NONO: variants seen among roughly 807,000 people sequenced by gnomAD.
The protein encoded by NONO is non-POU domain containing octamer binding.
A neutral mutation model predicts 40.2 loss-of-function variants in NONO; 6 were observed. That is an observed-to-expected ratio of 0.15 (90% CI 0.08 to 0.29). NONO has a LOEUF of 0.29. Ranked by LOEUF, NONO falls within the 10% of genes least tolerant of loss-of-function variation. NONO has a pLI of 1.00. For synonymous variants in NONO, 89 were observed against 123.3 expected (o/e 0.72, Z 1.85); for missense variants, 133 against 397.8 (o/e 0.33, Z 5.66).
At chrX:71,299,184 T>C (rs1353875716) in intron 11 of NONO, among the ~76,000 whole-genome samples, 1 of 111,860 alleles carries the variant, frequency 8.9e-6, no homozygotes, top group East Asian at 2.8e-4. Context: ...GGCCTCCCAA[T>C]TTTGTATTTT....
chrX:71,295,200 G>A (rs1414197063), intron 5 of NONO, among the ~76,000 whole-genome samples: 15 of 79,612 alleles, frequency 1.9e-4, no homozygotes, highest in Middle Eastern at 0.014. Context: ...CCAGCCTGGC[G>A]ATAGAGCAAG....
At chrX:71,293,268 C>T (rs1476269343) in intron 4 of NONO, among the ~76,000 whole-genome samples, 1 of 111,577 alleles carries the variant, frequency 9.0e-6, no homozygotes, top group Non-Finnish European at 1.9e-5. Flanking sequence ...GGAGGATATT[C>T]GTGATTCTGG....
chrX:71,294,497 A>G lies in NONO; in HGVS notation c.619A>G (p.Arg207Gly). The G allele has an allele frequency of 8.3e-7, 1 of 1,210,380 alleles. No individual in the cohort carries two copies. The highest frequency in any genetic ancestry group is 1.1e-6 in the Non-Finnish European group (1 of 894,536). Residue 207 changes from arginine (R) to glycine (G), a missense_variant, in exon 5 of 12, where the codon AGA (arginine) becomes GGA (glycine). Physicochemically the swap from Arg to Gly is moderately radical, Grantham distance 125. Around this residue, in one of 3 missense-constraint regions of NONO, gnomAD observed 32 missense variants for 206.0 expected, o/e 0.16. Coordinates refer to ENST00000276079, the MANE Select transcript of NONO (RefSeq NM_007363.5). ...GCCAGCTGCTCGGAAAGCTCTGGAC[A>G]GATGCAGTGAAGGCTCCTTCCTGCT... ...GKPAARKALD[R>G]CSEGSFLLTT...
At chrX:71,295,716 G>C (rs1275507228) in intron 5 of NONO, among the ~76,000 whole-genome samples, 3 of 110,183 alleles carry the variant, frequency 2.7e-5, no homozygotes, top group Admixed American at 1.9e-4. Flanking sequence ...ACTTGAACCC[G>C]GGAGGCAGAG....
rs200412300 is a variant in NONO, at chrX:71,294,535, G to A, written c.650+7G>A. ...GCTCCTTCCTGCTAACCACGTAAGT[G>A]AGGGTCATTTTCAGACGTAGACCTT... On this transcript the variant is annotated splice_region_variant and intron_variant, in intron 5 of 11. Transcript: ENST00000276079. The A allele has an allele frequency of 8.2e-4, 984 of 1,195,815 alleles. 12 individuals are homozygous for A. The highest frequency in any genetic ancestry group is 2.3e-4 in the Middle Eastern group (1 of 4,337).
chrX:71,295,773 A>G (rs185588570), intron 5 of NONO, among the ~76,000 whole-genome samples: 3 of 112,120 alleles, frequency 2.7e-5, no homozygotes, highest in African/African-American at 9.7e-5. Context: ...CCTGGGCGAC[A>G]GAGGAAGACT....
Position 71,300,856 on chromosome X carries a change from T to C in NONO, c.*780T>C, listed in dbSNP as rs1207129704. 1 of 157,168 alleles carries C rather than the reference T, an allele frequency of 6.4e-6. No individual in the cohort carries two copies. Among genetic ancestry groups the C allele is most frequent in the African/African-American group, 3.1e-5 (1 of 32,625 alleles). The allele number at this position is 157,168 out of a possible 1,213,427, so 13.0% of individuals were successfully genotyped here. On this transcript the variant is annotated 3_prime_UTR_variant, in exon 12 of 12. Transcript: ENST00000276079. ...AGAGATTTTCATTTTAGTGTATCTT[T>C]AAAAAAAAATCTTGTGTTAACTTGC...
chrX:71,300,906 C>T lies in NONO; in HGVS notation c.*830C>T, dbSNP rs1379793573. The T allele has an allele frequency of 6.2e-6, 1 of 160,542 alleles. No individual in the cohort carries two copies. Among genetic ancestry groups the T allele is most frequent in the African/African-American group, 3.0e-5 (1 of 32,979 alleles). 13.2% of individuals were successfully genotyped at this position (160,542 alleles called of 1,213,427 possible). ...CCTCCATCTTTTTCTTGGGTGAGGA[C>T]ACCCAGGAATGACCCTTTTGTGTCT... On this transcript the variant is annotated 3_prime_UTR_variant, in exon 12 of 12. Coordinates refer to ENST00000276079, the MANE Select transcript of NONO (RefSeq NM_007363.5).
Position 71,288,762 on chromosome X carries a change from AGT to A in NONO, c.-9-1862_-9-1861del, listed in dbSNP as rs757942001. Among the ~76,000 whole-genome samples the A allele has an allele frequency of 8.0e-5, 9 of 112,834 alleles. No homozygotes were observed. In the East Asian group the frequency reaches 1.4e-3, roughly 17 times the overall value. ...TCCACTGTAATTAATAAATATTTAG[AGT>A]GTGTACTGTATGCCAGTAGTGAGCC... is the stretch of plus-strand genomic sequence containing the variant. On this transcript the variant is annotated intron_variant, in intron 2 of 11. Transcript: ENST00000276079.
chrX:71,300,769 C>T lies in NONO; in HGVS notation c.*693C>T. ...GTCCACAAAGGTCACAGGCAGCGTA[C>T]ATACGGTTCTGTTATACCCCATATA... is the stretch of plus-strand genomic sequence containing the variant. On this transcript the variant is annotated 3_prime_UTR_variant, in exon 12 of 12. Transcript: ENST00000276079. 5.7e-6 allele frequency: 1 copy of T among 173,914 alleles called. No homozygotes were observed. Among genetic ancestry groups the T allele is most frequent in the East Asian group, 8.3e-5 (1 of 12,073 alleles). The allele number at this position is 173,914 out of a possible 1,213,427, so 14.3% of individuals were successfully genotyped here. A position where few individuals can be genotyped will look rare whatever the true frequency, so the allele number is the denominator to read the frequency against.
At chrX:71,294,134 G>A (rs923305740) in intron 4 of NONO, 93 bp from the exon 5 acceptor site, 2 of 869,903 alleles carry the variant, frequency 2.3e-6, no homozygotes, top group Admixed American at 3.0e-5. Flanking sequence ...AGTTTTTCCG[G>A]GGAGATATTG....
chrX:71,288,478 G>A (rs182979775), intron 2 of NONO, among the ~76,000 whole-genome samples: 12 of 111,080 alleles, frequency 1.1e-4, no homozygotes, highest in Non-Finnish European at 1.9e-4. Flanking sequence ...GGCAACCTCC[G>A]CCTCCCAGGT....
chrX:71,286,737 A>G (rs2148027447), intron 2 of NONO, among the ~76,000 whole-genome samples: 1 of 112,197 alleles, frequency 8.9e-6, no homozygotes, highest in East Asian at 2.8e-4. Flanking sequence ...TTGGAAATTT[A>G]AGTCATTTTT....
chrX:71,284,996 T>G (rs368547466), intron 2 of NONO: 1 of 112,618 alleles, frequency 8.9e-6, no homozygotes, highest in African/African-American at 3.2e-5. Flanking sequence ...GCCCAGTATT[T>G]AGGCGACAGT....
chrX:71,300,161 G>A lies in NONO; in HGVS notation c.*85G>A, dbSNP rs1481509937. ...AGAATTCTACCCTGGAAAAGTGTTA[G>A]GGATTCCTTCCAATAGTTAGATCTA... On this transcript the variant is annotated 3_prime_UTR_variant, in exon 12 of 12. Transcript: ENST00000276079. 2 of 1,087,070 alleles carry A rather than the reference G, an allele frequency of 1.8e-6. No homozygotes were observed. The highest frequency in any genetic ancestry group is 3.7e-5 in the African/African-American group (2 of 54,644). The allele number at this position is 1,087,070 out of a possible 1,213,427, so 89.6% of individuals were successfully genotyped here.
intron 5 of NONO, 146 bp from the exon 6 acceptor site, chrX:71,296,419 A>G: frequency 2.3e-6 from 1 of 443,222 alleles, no homozygotes; most frequent in South Asian, 4.4e-5. Context: ...GCCCAACCCC[A>G]AATTTTTTAT....
intron 8 of NONO, 26 bp from the exon 9 acceptor site, chrX:71,297,810 T>A (rs1204834939): frequency 1.8e-6 from 2 of 1,136,521 alleles, no homozygotes; most frequent in Non-Finnish European, 2.4e-6. Flanking sequence ...TGCCTCTGTC[T>A]TAAATACATT....
At chrX:71,292,936 G>C (rs2031357885) in intron 4 of NONO, 3 of 112,302 alleles carry the variant, frequency 2.7e-5, no homozygotes, top group Non-Finnish European at 5.6e-5. Flanking sequence ...CTGGGTGATA[G>C]AGTGAGACCC....
intron 9 of NONO, 72 bp downstream of exon 9, chrX:71,298,010 A>C: frequency 1.1e-5 from 7 of 649,780 alleles, no homozygotes; most frequent in Non-Finnish European, 1.7e-5. Context: ...CTGCTAGGTT[A>C]CCGGTTATGA....
Sources: gnomAD v4.1 joint callset for allele counts (sites outside exome capture counted in the v4.1 genomes callset) on GRCh38, gnomAD v4.1.1 for gene constraint, gnomAD v4.1.1 regional missense constraint, MANE v1.5 for transcripts, NCBI Gene and HGNC (gene_info 2026-07-23, HGNC 2026-07-21) for gene names.